LHFPL6: variants seen among roughly 807,000 people sequenced by gnomAD.
LHFPL6 encodes the protein LHFPL tetraspan subfamily member 6.
Under a neutral mutation model 20.6 loss-of-function variants are expected in LHFPL6, and 9 were observed. The ratio of observed to expected loss-of-function variants is 0.44; its 90% CI spans 0.26 to 0.76. The LOEUF (loss-of-function observed/expected upper bound fraction) is 0.76. LHFPL6 is among the 30% of genes least tolerant of loss of function. The probability of loss-of-function intolerance (pLI) is 0.20; values close to 1 mark genes in which losing one functional copy is unlikely to be tolerated. For synonymous variants in LHFPL6, 105 were observed against 98.7 expected, an observed-to-expected ratio of 1.06 and a Z score of -0.38; for missense variants, 218 against 253.5, an observed-to-expected ratio of 0.86 and a Z score of 0.95.
intron 2 of LHFPL6, among the ~76,000 whole-genome samples, chr13:39,408,569 G>A (rs1303685730): frequency 6.6e-6 from 1 of 152,160 alleles, no homozygotes; most frequent in Non-Finnish European, 1.5e-5. Flanking sequence ...CATAATTTGG[G>A]CCGATTCTAT....
intron 2 of LHFPL6, among the ~76,000 whole-genome samples, chr13:39,488,615 A>C (rs1343666135): frequency 1.3e-5 from 2 of 152,170 alleles, no homozygotes; most frequent in Non-Finnish European, 2.9e-5. Flanking sequence ...CTTACTACCA[A>C]ATGAAGCTAT....
chr13:39,578,041 G>C (rs1208625726), intron 2 of LHFPL6, among the ~76,000 whole-genome samples: 1 of 152,190 alleles, frequency 6.6e-6, no homozygotes, highest in Admixed American at 6.5e-5. Flanking sequence ...CAGCTTGCCA[G>C]AAAAGACACG....
chr13:39,369,130 C>G (rs1037389732), intron 3 of LHFPL6, among the ~76,000 whole-genome samples: 1 of 147,828 alleles, frequency 6.8e-6, no homozygotes, highest in Non-Finnish European at 1.5e-5. Flanking sequence ...AAAGAAGAAT[C>G]TTTAAAAGAG....
chr13:39,545,640 G>A (rs1342919418), intron 2 of LHFPL6, among the ~76,000 whole-genome samples: 1 of 152,052 alleles, frequency 6.6e-6, no homozygotes, highest in South Asian at 2.1e-4. Context: ...TGAAGTCCTT[G>A]ATATGAAATG....
intron 2 of LHFPL6, among the ~76,000 whole-genome samples, chr13:39,451,961 C>T (rs757509955): frequency 6.6e-6 from 1 of 152,036 alleles, no homozygotes; most frequent in Non-Finnish European, 1.5e-5. Flanking sequence ...CATGCACGTG[C>T]ATAAGACAAG....
chr13:39,582,569 G>C (rs1369101645), intron 2 of LHFPL6, among the ~76,000 whole-genome samples: 2 of 152,198 alleles, frequency 1.3e-5, no homozygotes, highest in African/African-American at 2.4e-5. Context: ...AAATATTCAA[G>C]AGATCTGAAC....
intron 3 of LHFPL6, among the ~76,000 whole-genome samples, chr13:39,361,057 T>C (rs1200165628): frequency 3.1e-5 from 3 of 96,812 alleles, no homozygotes; most frequent in African/African-American, 6.0e-5. Flanking sequence ...TGAGATCTCA[T>C]ACTTGCACAG....
intron 3 of LHFPL6, among the ~76,000 whole-genome samples, chr13:39,348,735 G>T (rs567810534): frequency 2.2e-4 from 34 of 152,108 alleles, no homozygotes; most frequent in African/African-American, 7.5e-4. Context: ...CACCCCACCC[G>T]CCTACCCAAG....
At chr13:39,497,956 T>C (rs536144184) in intron 2 of LHFPL6, among the ~76,000 whole-genome samples, 9 of 152,248 alleles carry the variant, frequency 5.9e-5, no homozygotes, top group Non-Finnish European at 1.3e-4. Flanking sequence ...AGTGCTAGTA[T>C]ACACTTGTAA....
intron 3 of LHFPL6, among the ~76,000 whole-genome samples, chr13:39,346,468 T>C (rs1303167985): frequency 6.6e-6 from 1 of 152,146 alleles, no homozygotes; most frequent in Non-Finnish European, 1.5e-5. Context: ...AGGAACACAA[T>C]GTGGTAGGTA....
intron 3 of LHFPL6, among the ~76,000 whole-genome samples, chr13:39,363,374 C>G (rs1016558466): frequency 4.6e-5 from 7 of 152,136 alleles, no homozygotes; most frequent in Admixed American, 2.0e-4. Context: ...ACTTTAGAGA[C>G]AGAGGGACCT....
intron 2 of LHFPL6, among the ~76,000 whole-genome samples, chr13:39,586,288 T>A (rs968308251): frequency 3.3e-5 from 5 of 152,156 alleles, no homozygotes; most frequent in African/African-American, 4.8e-5. Context: ...TTAGTTGTCA[T>A]CAGTATTCCC....
At chr13:39,484,024 C>T (rs1868628267) in intron 2 of LHFPL6, among the ~76,000 whole-genome samples, 4 of 152,182 alleles carry the variant, frequency 2.6e-5, no homozygotes, top group African/African-American at 7.2e-5. Flanking sequence ...CAATTCACCT[C>T]ATCTACATAA....
intron 2 of LHFPL6, among the ~76,000 whole-genome samples, chr13:39,416,398 A>T (rs1226269765): frequency 6.6e-6 from 1 of 151,478 alleles, no homozygotes; most frequent in African/African-American, 2.4e-5. Flanking sequence ...AAACTCCATT[A>T]TATTAGGCCA....
chr13:39,550,350 C>T (rs60448326), intron 2 of LHFPL6, among the ~76,000 whole-genome samples: 3,631 of 151,974 alleles, frequency 0.024, 175 homozygotes, highest in African/African-American at 0.084. Context: ...CACATTTGTA[C>T]GTGCTTGTCA....
intron 2 of LHFPL6, among the ~76,000 whole-genome samples, chr13:39,391,946 ATGATT>A (rs1483661950): frequency 6.6e-6 from 1 of 152,232 alleles, no homozygotes; most frequent in Non-Finnish European, 1.5e-5. Flanking sequence ...GACAGCTATC[ATGATT>A]TTCCTTTCCG....
At chr13:39,512,478 T>C (rs1168474875) in intron 2 of LHFPL6, among the ~76,000 whole-genome samples, 9 of 151,850 alleles carry the variant, frequency 5.9e-5, no homozygotes, top group Admixed American at 5.9e-4. Context: ...GGCGGGCCCC[T>C]GTAGTCCCAG....
At chr13:39,517,308 T>G (rs567120220) in intron 2 of LHFPL6, among the ~76,000 whole-genome samples, 1 of 152,202 alleles carries the variant, frequency 6.6e-6, no homozygotes, top group Non-Finnish European at 1.5e-5. Context: ...ACTTTCATAG[T>G]ATGGGAGAAA....
intron 2 of LHFPL6, among the ~76,000 whole-genome samples, chr13:39,529,806 T>A (rs963974171): frequency 1.3e-5 from 2 of 152,198 alleles, no homozygotes; most frequent in African/African-American, 4.8e-5. Context: ...TAAAAAGGTT[T>A]TGGACTTGCA....
Sources: allele counts gnomAD v4.1 joint callset (sites outside exome capture counted in the v4.1 genomes callset), GRCh38; gene constraint gnomAD v4.1.1; transcripts MANE v1.5; gene names NCBI Gene and HGNC (gene_info 2026-07-23, HGNC 2026-07-21).